Variants in SAMD12 observed in about 807,000 individuals in gnomAD.
SAMD12 encodes sterile alpha motif domain containing 12.
In SAMD12, 9 loss-of-function variants were observed where a neutral mutation model predicts 15.0. The ratio of observed to expected loss-of-function variants is 0.60; its 90% confidence interval spans 0.36 to 1.05. The LOEUF (loss-of-function observed/expected upper bound fraction) is 1.05, where lower values mean the gene tolerates loss of function less well. Ranked by LOEUF, SAMD12 falls within the 50% of genes least tolerant of loss-of-function variation. The pLI is 0.01. For missense variants in SAMD12, 230 were observed against 234.2 expected (o/e 0.98, Z 0.12); for synonymous variants, 86 against 90.1 (o/e 0.96, Z 0.25).
intron 3 of SAMD12, among the ~76,000 whole-genome samples, chr8:118,384,931 G>A (rs1200898782): frequency 2.0e-5 from 3 of 151,996 alleles, no homozygotes; most frequent in Admixed American, 2.0e-4. Flanking sequence ...GTGCCCTCAG[G>A]GCTAAAAACA....
rs1041602857 is a variant in SAMD12 at position 118,621,554 on chromosome 8, G to A, written c.13+250C>T. On this transcript the variant is annotated intron_variant, in intron 1 of 3. Transcript: ENST00000314727. ...TTCCAGGATATCGTTTCGCATCAGG[G>A]ACACTCGTCTCCACACCTCCTACCT... 4 of 541,332 alleles carry A rather than the reference G, an allele frequency of 7.4e-6. No homozygotes were observed. In the African/African-American group the frequency reaches 7.6e-5, roughly 10 times the overall value. The allele number at this position is 541,332 out of a possible 1,614,324, so 33.5% of individuals were successfully genotyped here. A position where few individuals can be genotyped will look rare whatever the true frequency, so the allele number is the denominator to read the frequency against.
At chr8:118,340,639 C>T (rs1817311471) in intron 4 of SAMD12, among the ~76,000 whole-genome samples, 1 of 152,042 alleles carries the variant, frequency 6.6e-6, no homozygotes, top group South Asian at 2.1e-4. Context: ...TGTAGTGGTG[C>T]ATGGCTATAG....
chr8:118,378,863 T>C lies in SAMD12; in HGVS notation c.*554A>G. 1.0e-6 allele frequency: 1 copy of C among 983,112 alleles called. No homozygotes were observed. Among genetic ancestry groups the C allele is most frequent in the Non-Finnish European group, 1.2e-6 (1 of 827,688 alleles). The allele number at this position is 983,112 out of a possible 1,614,324, so 60.9% of individuals were successfully genotyped here. On this transcript the variant is annotated 3_prime_UTR_variant, in exon 4 of 4. Transcript: ENST00000314727. ...TGTCACTTCCACAGTTATTGAGATCTTAAGTGCTCTCATCATATTGAAGTT... is the reference window on the plus strand; with the variant it reads ...TGTCACTTCCACAGTTATTGAGATCCTAAGTGCTCTCATCATATTGAAGTT...
chr8:118,584,665 A>G (rs999913235), intron 1 of SAMD12, among the ~76,000 whole-genome samples: 8 of 152,200 alleles, frequency 5.3e-5, no homozygotes, highest in Non-Finnish European at 2.9e-5. Context: ...TGAATTTCAC[A>G]AACATTGCTC....
intron 1 of SAMD12, among the ~76,000 whole-genome samples, chr8:118,605,240 T>C (rs1264952623): frequency 1.3e-5 from 2 of 152,222 alleles, no homozygotes; most frequent in Non-Finnish European, 2.9e-5. Flanking sequence ...ATTTGTTGCT[T>C]TCTCAAGTTC....
At chr8:118,564,047 G>A (rs968803658) in intron 2 of SAMD12, among the ~76,000 whole-genome samples, 1 of 152,246 alleles carries the variant, frequency 6.6e-6, no homozygotes, top group Non-Finnish European at 1.5e-5. Flanking sequence ...GAGGAGAAGG[G>A]GTCATTCAAG....
chr8:118,325,081 T>C (rs1447416428), intron 4 of SAMD12, among the ~76,000 whole-genome samples: 4 of 152,300 alleles, frequency 2.6e-5, no homozygotes, highest in East Asian at 3.9e-4. Flanking sequence ...TCTATGCTGG[T>C]GCTTATTGGT....
intron 1 of SAMD12, among the ~76,000 whole-genome samples, chr8:118,620,489 G>A (rs76948087): frequency 2.0e-5 from 3 of 151,082 alleles, no homozygotes; most frequent in African/African-American, 7.3e-5. Context: ...GATTGTAAGA[G>A]AGAGAGAGGA....
chr8:118,212,784 C>T (rs1431666882), intron 4 of SAMD12, among the ~76,000 whole-genome samples: 1 of 152,164 alleles, frequency 6.6e-6, no homozygotes, highest in African/African-American at 2.4e-5. Context: ...TGAAGATATG[C>T]ACAATCACAG....
chr8:118,324,005 A>C (rs573487514), intron 4 of SAMD12, among the ~76,000 whole-genome samples: 6 of 150,376 alleles, frequency 4.0e-5, no homozygotes, highest in Non-Finnish European at 5.9e-5. Context: ...AATACTAAAT[A>C]ACATTTTGAC....
intron 4 of SAMD12, among the ~76,000 whole-genome samples, chr8:118,278,447 T>A (rs1456282568): frequency 1.3e-5 from 2 of 152,218 alleles, no homozygotes; most frequent in Non-Finnish European, 2.9e-5. Flanking sequence ...TGTAGCTGAA[T>A]GTGAATATTT....
intron 4 of SAMD12, among the ~76,000 whole-genome samples, chr8:118,339,560 C>G (rs1817247900): frequency 6.6e-6 from 1 of 152,210 alleles, no homozygotes; most frequent in Non-Finnish European, 1.5e-5. Context: ...GCCGCCGCAG[C>G]TCTGAGGAGT....
intron 2 of SAMD12, among the ~76,000 whole-genome samples, chr8:118,561,925 A>G (rs1181473210): frequency 6.6e-6 from 1 of 152,242 alleles, no homozygotes; most frequent in Admixed American, 6.5e-5. Context: ...AGAAAGCTAT[A>G]AAATATAATC....
At chr8:118,131,989 T>C in the SAMD12 span, among the ~76,000 whole-genome samples, 5 of 152,330 alleles carry the variant, frequency 3.3e-5, no homozygotes, top group Non-Finnish European at 7.4e-5. Flanking sequence ...TTATAATGGG[T>C]ATGGTATACC....
chr8:118,370,312 A>G (rs1030985104), intron 4 of SAMD12, among the ~76,000 whole-genome samples: 1 of 152,206 alleles, frequency 6.6e-6, no homozygotes, highest in African/African-American at 2.4e-5. Flanking sequence ...GTGGAGAGAC[A>G]GGAATGCTTT....
At chr8:118,372,228 A>C (rs1483034970) in intron 4 of SAMD12, among the ~76,000 whole-genome samples, 1 of 150,356 alleles carries the variant, frequency 6.7e-6, no homozygotes, top group Non-Finnish European at 1.5e-5. Flanking sequence ...GAAGAGAGAC[A>C]AAAGGAAGCA....
intron 4 of SAMD12, among the ~76,000 whole-genome samples, chr8:118,347,520 G>A (rs1437097199): frequency 6.6e-6 from 1 of 152,104 alleles, no homozygotes; most frequent in Non-Finnish European, 1.5e-5. Context: ...GGGAAAGGTG[G>A]GAAAAGTCTG....
chr8:118,362,838 A>T (rs779023835), intron 4 of SAMD12, among the ~76,000 whole-genome samples: 2 of 152,204 alleles, frequency 1.3e-5, no homozygotes, highest in Non-Finnish European at 1.5e-5. Context: ...ATTACTCAAG[A>T]TATTGGCAGC....
chr8:118,169,296 G>T, the SAMD12 span, among the ~76,000 whole-genome samples: 1 of 152,184 alleles, frequency 6.6e-6, no homozygotes, highest in Non-Finnish European at 1.5e-5. Context: ...TTTCATGGAA[G>T]CTACTCTGCA....
Sources: gnomAD v4.1 joint callset for allele counts (sites outside exome capture counted in the v4.1 genomes callset) on GRCh38, gnomAD v4.1.1 for gene constraint, MANE v1.5 for transcripts, NCBI Gene and HGNC (gene_info 2026-07-23, HGNC 2026-07-21) for gene names.